LMX1A: variants seen among roughly 807,000 people sequenced by gnomAD.
The protein encoded by LMX1A is LIM homeobox transcription factor 1-alpha.
Under a neutral mutation model 49.1 loss-of-function variants are expected in LMX1A, and 15 were observed. The observed-to-expected ratio is 0.31, with a 90% CI of 0.20 to 0.47. The LOEUF (loss-of-function observed/expected upper bound fraction) is 0.47. Ranked by LOEUF, LMX1A falls within the 20% of genes least tolerant of loss-of-function variation. LMX1A has a pLI of 1.00. For synonymous variants in LMX1A, 167 were observed against 185.7 expected (o/e 0.90, Z 0.82); for missense variants, 372 against 475.8 (o/e 0.78, Z 2.03).
rs182227669 is a variant in LMX1A, at chr1:165,206,465, C to T, written c.818-431G>A. Among the ~76,000 whole-genome samples the T allele has an allele frequency of 2.0e-3, 306 of 152,250 alleles. 1 individual carries two copies. Among genetic ancestry groups the T allele is most frequent in the African/African-American group, 7.1e-3 (294 of 41,546 alleles). ...TGTAGATAGAATTTTATAAGAAAAG[C>T]AGGATTCACTTCCTGCCTCCACATC... On this transcript the variant is annotated intron_variant, in intron 7 of 8. Transcript: ENST00000342310.
At position 165,259,250 on chromosome 1, in the gene LMX1A, GAGA is replaced by G. The variant is rs553395465; in HGVS notation, c.264-9613_264-9611del. ...AACAACTGTGAAAGGCCAAACACTT[GAGA>G]GGAAACTGAGGGTACATCTCATTCA... On this transcript the variant is annotated intron_variant, in intron 3 of 8. Coordinates refer to ENST00000342310, the MANE Select transcript of LMX1A (RefSeq NM_177398.4). 1.4e-3 allele frequency among the ~76,000 whole-genome samples: 206 copies of G among 152,272 alleles called. 2 individuals carry two copies. Among genetic ancestry groups the G allele is most frequent in the African/African-American group, 4.5e-3 (189 of 41,556 alleles).
chr1:165,242,754 G>A (rs1652700130), intron 4 of LMX1A, among the ~76,000 whole-genome samples: 1 of 151,100 alleles, frequency 6.6e-6, no homozygotes, highest in South Asian at 2.1e-4. Context: ...TTTTTTCTCA[G>A]GTGACTTCTG....
intron 3 of LMX1A, among the ~76,000 whole-genome samples, chr1:165,278,085 G>A (rs1225449165): frequency 2.0e-5 from 3 of 148,208 alleles, no homozygotes. Flanking sequence ...TGAGGGAATG[G>A]AGGTACCAAG....
intron 3 of LMX1A, among the ~76,000 whole-genome samples, chr1:165,255,749 G>A (rs1205010067): frequency 3.9e-5 from 6 of 152,120 alleles, no homozygotes; most frequent in Admixed American, 6.5e-5. Context: ...CGAGGTGGGC[G>A]GATCACCTGA....
At chr1:165,273,047 C>T (rs938749538) in intron 3 of LMX1A, among the ~76,000 whole-genome samples, 1 of 152,198 alleles carries the variant, frequency 6.6e-6, no homozygotes, top group African/African-American at 2.4e-5. Flanking sequence ...TGCACCAACC[C>T]AGCTGGAGAC....
chr1:165,303,613 G>A (rs1335814155), intron 3 of LMX1A, among the ~76,000 whole-genome samples: 2 of 152,090 alleles, frequency 1.3e-5, no homozygotes, highest in African/African-American at 2.4e-5. Context: ...TCCAGACATC[G>A]CCTACGCCTG....
At chr1:165,302,008 A>T (rs906437556) in intron 3 of LMX1A, among the ~76,000 whole-genome samples, 1 of 152,164 alleles carries the variant, frequency 6.6e-6, no homozygotes, top group Non-Finnish European at 1.5e-5. Context: ...AGAAACTGTA[A>T]GGCCTGAATT....
intron 3 of LMX1A, among the ~76,000 whole-genome samples, chr1:165,267,326 A>G (rs546700571): frequency 1.5e-3 from 230 of 152,332 alleles, no homozygotes; most frequent in African/African-American, 5.3e-3. Flanking sequence ...AGTAGCATAT[A>G]TCGAGGTACA....
intron 3 of LMX1A, among the ~76,000 whole-genome samples, chr1:165,277,387 TC>T (rs1252637752): frequency 2.6e-5 from 4 of 151,826 alleles, no homozygotes; most frequent in African/African-American, 9.7e-5. Context: ...CTCTGCCAAA[TC>T]CCCCCCTTGG....
rs541758524 is a variant in LMX1A, at chr1:165,251,002, G to A, written c.264-1362C>T. 9.2e-5 allele frequency among the ~76,000 whole-genome samples: 14 copies of A among 151,380 alleles called. No homozygotes were observed. In the South Asian group the frequency reaches 2.9e-3, roughly 32 times the overall value. On this transcript the variant is annotated intron_variant, in intron 3 of 8. Transcript: ENST00000342310. The stretch of plus-strand genomic sequence containing the variant: ...TAGAGGCAGGTACCTCCAGAAAGGT[G>A]ACAGGTGAGGTTAAGTCATGACCCA...
rs571999445 is a variant in LMX1A, at chr1:165,310,298, C to T, written c.263+42778G>A. Among the ~76,000 whole-genome samples the T allele has an allele frequency of 1.8e-3, 269 of 152,310 alleles. 2 individuals carry two copies. The highest frequency in any genetic ancestry group is 6.1e-3 in the African/African-American group (255 of 41,554). The stretch of plus-strand genomic sequence containing the variant: ...CACCCTCCTAACTTTCTGTACCTTC[C>T]CTCCAAGCTCTTACCAGGCAGGAAG... On this transcript the variant is annotated intron_variant, in intron 3 of 8. Coordinates refer to ENST00000342310, the MANE Select transcript of LMX1A (RefSeq NM_177398.4).
intron 4 of LMX1A, among the ~76,000 whole-genome samples, chr1:165,233,663 C>A (rs1652316118): frequency 6.6e-6 from 1 of 152,182 alleles, no homozygotes; most frequent in African/African-American, 2.4e-5. Context: ...AACATTCTAT[C>A]TCTTCTTTTA....
At chr1:165,347,555 AT>A (rs1433865972) in intron 3 of LMX1A, among the ~76,000 whole-genome samples, 1 of 152,252 alleles carries the variant, frequency 6.6e-6, no homozygotes, top group Non-Finnish European at 1.5e-5. Flanking sequence ...AAAAATCTTC[AT>A]AAAAAAGAAA....
intron 3 of LMX1A, among the ~76,000 whole-genome samples, chr1:165,299,183 C>T (rs746222038): frequency 3.3e-5 from 5 of 152,238 alleles, no homozygotes; most frequent in Non-Finnish European, 7.3e-5. Flanking sequence ...GACAAGAATG[C>T]TGTAATGGAC....
intron 4 of LMX1A, among the ~76,000 whole-genome samples, chr1:165,226,414 C>T (rs968071852): frequency 2.0e-5 from 3 of 152,232 alleles, no homozygotes; most frequent in African/African-American, 4.8e-5. Flanking sequence ...GCATCTCTCA[C>T]AAAGCACAAA....
intron 8 of LMX1A, among the ~76,000 whole-genome samples, chr1:165,204,303 G>T (rs557179871): frequency 3.9e-4 from 60 of 152,294 alleles, no homozygotes; most frequent in Non-Finnish European, 7.5e-4. Flanking sequence ...TGGGGAGTAG[G>T]CAGGACATGT....
intron 4 of LMX1A, among the ~76,000 whole-genome samples, chr1:165,221,530 G>A (rs572114042): frequency 9.1e-4 from 138 of 152,244 alleles, no homozygotes; most frequent in Non-Finnish European, 1.7e-3. Flanking sequence ...GAGTCAGGCC[G>A]TAGGTAAAGT....
At chr1:165,208,350 G>C (rs73027274) in intron 6 of LMX1A, among the ~76,000 whole-genome samples, 154 of 152,314 alleles carry the variant, frequency 1.0e-3, no homozygotes, top group African/African-American at 3.5e-3. Context: ...CAGCTGGCTG[G>C]GAAGCAGGGG....
chr1:165,352,113 T>G (rs1190221013), intron 3 of LMX1A, among the ~76,000 whole-genome samples: 1 of 152,236 alleles, frequency 6.6e-6, no homozygotes, highest in Non-Finnish European at 1.5e-5. Context: ...ATTAAACATT[T>G]CGCAAGGAAA....
Sources: allele counts gnomAD v4.1 joint callset (sites outside exome capture counted in the v4.1 genomes callset), GRCh38; gene constraint gnomAD v4.1.1; transcripts MANE v1.5; gene names NCBI Gene and HGNC (gene_info 2026-07-23, HGNC 2026-07-21).